Variants in GRIP1 observed in about 807,000 individuals in gnomAD.
The protein encoded by GRIP1 is glutamate receptor-interacting protein 1.
A neutral mutation model predicts 129.9 loss-of-function variants in GRIP1; 45 were observed. The observed-to-expected ratio is 0.35, with a 90% CI of 0.27 to 0.44. The LOEUF is 0.44. GRIP1 is among the 20% of genes least tolerant of loss of function. The probability of loss-of-function intolerance (pLI) is 1.00; values close to 1 mark genes in which losing one functional copy is unlikely to be tolerated. For missense variants in GRIP1, 1,196 were observed against 1,396.8 expected (o/e 0.86, Z 2.29); for synonymous variants, 530 against 520.8 (o/e 1.02, Z -0.24).
intron 2 of GRIP1, among the ~76,000 whole-genome samples, chr12:66,550,445 A>G (rs1163464617): frequency 6.6e-6 from 1 of 152,232 alleles, no homozygotes; most frequent in Non-Finnish European, 1.5e-5. Context: ...TGTTATGAAT[A>G]TAAGACAAAA....
intron 1 of GRIP1, among the ~76,000 whole-genome samples, chr12:66,670,446 A>G (rs1477403992): frequency 1.3e-5 from 2 of 152,154 alleles, no homozygotes; most frequent in Non-Finnish European, 2.9e-5. Flanking sequence ...TGGAAATCCT[A>G]CGTTAGCAGT....
chr12:66,847,654 T>C (rs2039841922), intron 1 of GRIP1, among the ~76,000 whole-genome samples: 1 of 152,166 alleles, frequency 6.6e-6, no homozygotes, highest in South Asian at 2.1e-4. Flanking sequence ...TAAAATTTGA[T>C]TGAGTCTTAT....
At chr12:67,041,058 T>C (rs1471917007) in intron 1 of GRIP1, among the ~76,000 whole-genome samples, 2 of 152,114 alleles carry the variant, frequency 1.3e-5, no homozygotes, top group Non-Finnish European at 1.5e-5. Flanking sequence ...TTCAGCTCTT[T>C]CCTGAGTGTC....
intron 2 of GRIP1, among the ~76,000 whole-genome samples, chr12:66,573,953 T>C (rs1356967530): frequency 6.6e-6 from 1 of 152,222 alleles, no homozygotes; most frequent in African/African-American, 2.4e-5. Context: ...TCTAAGATCA[T>C]GGAAAACATG....
At chr12:66,878,417 G>C (rs888047480) in intron 1 of GRIP1, among the ~76,000 whole-genome samples, 3 of 151,996 alleles carry the variant, frequency 2.0e-5, no homozygotes, top group African/African-American at 7.2e-5. Context: ...ATGAGTGTGA[G>C]AGGGGAGGTA....
At chr12:66,848,910 T>C (rs948888460) in intron 1 of GRIP1, among the ~76,000 whole-genome samples, 7 of 152,144 alleles carry the variant, frequency 4.6e-5, no homozygotes, top group African/African-American at 1.7e-4. Flanking sequence ...GGATGGCAAT[T>C]GATGGGCTGC....
chr12:66,466,091 C>T (rs1366720015), intron 7 of GRIP1, among the ~76,000 whole-genome samples: 1 of 152,164 alleles, frequency 6.6e-6, no homozygotes, highest in East Asian at 1.9e-4. Context: ...TTATTTTTGG[C>T]TTGGAACACT....
At chr12:66,671,155 T>A (rs1306870449) in intron 1 of GRIP1, among the ~76,000 whole-genome samples, 1 of 152,158 alleles carries the variant, frequency 6.6e-6, no homozygotes, top group Admixed American at 6.5e-5. Context: ...GAGAGAAAAA[T>A]TTAGAAACCC....
chr12:66,940,896 GT>G (rs564819100), intron 1 of GRIP1, among the ~76,000 whole-genome samples: 117 of 152,072 alleles, frequency 7.7e-4, no homozygotes, highest in Middle Eastern at 3.4e-3. Context: ...TAAATTCTTT[GT>G]GGAAAAAAAG....
intron 1 of GRIP1, among the ~76,000 whole-genome samples, chr12:66,706,646 G>A (rs1316057339): frequency 6.6e-6 from 1 of 152,082 alleles, no homozygotes; most frequent in Non-Finnish European, 1.5e-5. Flanking sequence ...ACTGGATAAA[G>A]AAAATGTAGT....
At chr12:66,647,349 T>C (rs2032456754) in intron 1 of GRIP1, 1 of 152,228 alleles carries the variant, frequency 6.6e-6, no homozygotes. Context: ...TAGGTGGACA[T>C]GTTGTATTTT....
rs531173883 is a variant in GRIP1, at chr12:66,450,418, T to A, written c.1355-4910A>T. Among the ~76,000 whole-genome samples, 5 of 150,634 alleles carry A rather than the reference T, an allele frequency of 3.3e-5. No individual in the cohort carries two copies. The East Asian group carries it at 9.7e-4, about 29-fold the overall frequency. On this transcript the variant is annotated intron_variant, in intron 11 of 24. Transcript: ENST00000359742. ...AGTGAAGCCTTCTCAAAGGAAAGAC[T>A]TGCTATGTTTTTTTAAACAGAGAAG...
chr12:66,721,553 A>G (rs1184489803), intron 1 of GRIP1, among the ~76,000 whole-genome samples: 2 of 152,148 alleles, frequency 1.3e-5, no homozygotes, highest in Non-Finnish European at 2.9e-5. Context: ...GGAATTTAGC[A>G]TAATTCTTAA....
At chr12:66,788,697 G>T (rs561082834) in intron 1 of GRIP1, among the ~76,000 whole-genome samples, 1 of 152,184 alleles carries the variant, frequency 6.6e-6, no homozygotes, top group East Asian at 1.9e-4. Context: ...CACAAAACTG[G>T]TATCTCCATA....
chr12:66,877,774 G>A (rs770895026), intron 1 of GRIP1, among the ~76,000 whole-genome samples: 1 of 152,014 alleles, frequency 6.6e-6, no homozygotes, highest in Non-Finnish European at 1.5e-5. Flanking sequence ...CAGAAAGTCA[G>A]ATTAGAAAAT....
At chr12:66,595,491 A>G (rs2064014208) in intron 2 of GRIP1, among the ~76,000 whole-genome samples, 1 of 152,236 alleles carries the variant, frequency 6.6e-6, no homozygotes, top group African/African-American at 2.4e-5. Context: ...TGGAATACTC[A>G]GTACCAGTGA....
chr12:66,434,114 T>A (rs1009561383), intron 13 of GRIP1, among the ~76,000 whole-genome samples: 2 of 152,164 alleles, frequency 1.3e-5, no homozygotes, highest in African/African-American at 4.8e-5. Flanking sequence ...CAGAATCTGA[T>A]TTTTCAACTC....
intron 1 of GRIP1, among the ~76,000 whole-genome samples, chr12:66,616,592 C>A (rs1437008914): frequency 6.6e-6 from 1 of 152,040 alleles, no homozygotes; most frequent in East Asian, 1.9e-4. Context: ...TTGTTTTTTA[C>A]CTCCATCCAG....
chr12:66,381,856 T>C (rs919138677), intron 19 of GRIP1, among the ~76,000 whole-genome samples: 3 of 152,200 alleles, frequency 2.0e-5, no homozygotes, highest in Non-Finnish European at 4.4e-5. Flanking sequence ...GGGGATAAGA[T>C]TCAAATCTCT....
Sources: allele counts gnomAD v4.1 joint callset (sites outside exome capture counted in the v4.1 genomes callset), GRCh38; gene constraint gnomAD v4.1.1; transcripts MANE v1.5; gene names NCBI Gene and HGNC (gene_info 2026-07-23, HGNC 2026-07-21).